DHX40: variants seen among roughly 807,000 people sequenced by gnomAD.
DHX40 encodes the protein probable ATP-dependent RNA helicase DHX40.
DHX40 carries 28 observed loss-of-function variants against 89.6 expected under a neutral mutation model. The observed-to-expected ratio is 0.31, with a 90% CI of 0.23 to 0.43. The LOEUF is 0.43. DHX40 is among the 20% of genes least tolerant of loss of function. The probability of loss-of-function intolerance (pLI) is 1.00; values close to 1 mark genes in which losing one functional copy is unlikely to be tolerated. For missense variants in DHX40, 457 were observed against 844.0 expected, an observed-to-expected ratio of 0.54 and a Z score of 5.68; for synonymous variants, 226 against 283.6, an observed-to-expected ratio of 0.80 and a Z score of 2.04.
chr17:59,605,302 G>A (rs2030774773), intron 16 of DHX40, 118 bp downstream of exon 16: 1 of 1,247,932 alleles, frequency 8.0e-7, no homozygotes, highest in Non-Finnish European at 1.1e-6. Context: ...ATATTACATA[G>A]ATCTATAAGG....
intron 8 of DHX40, among the ~76,000 whole-genome samples, chr17:59,578,977 AGT>A (rs201617050): frequency 4.2e-4 from 55 of 132,412 alleles, no homozygotes; most frequent in African/African-American, 1.4e-3. Context: ...AATATTGCAT[AGT>A]GTGTGTGTGT....
intron 12 of DHX40, among the ~76,000 whole-genome samples, chr17:59,595,918 C>CT (rs1567890683): frequency 6.6e-6 from 1 of 151,192 alleles, no homozygotes; most frequent in African/African-American, 2.4e-5. Context: ...GACTCCAGCT[C>CT]TTTCTCTTCC....
At chr17:59,568,048 C>G (rs528633301) in intron 2 of DHX40, among the ~76,000 whole-genome samples, 1 of 152,054 alleles carries the variant, frequency 6.6e-6, no homozygotes, top group African/African-American at 2.4e-5. Flanking sequence ...GCCTGGCCAA[C>G]ATGGTGAAAC....
intron 7 of DHX40, among the ~76,000 whole-genome samples, chr17:59,576,865 CTG>C (rs2048889353): frequency 6.6e-6 from 1 of 150,480 alleles, no homozygotes; most frequent in Non-Finnish European, 1.5e-5. Context: ...TCTCTTGCCT[CTG>C]TTTTTTTTTT....
intron 2 of DHX40, among the ~76,000 whole-genome samples, chr17:59,570,210 A>AT (rs2048783045): frequency 8.1e-6 from 1 of 123,210 alleles, no homozygotes; most frequent in South Asian, 2.2e-4. Flanking sequence ...TATAATATAT[A>AT]TTATATATTA....
chr17:59,595,188 A>G (rs1429371715), intron 12 of DHX40, among the ~76,000 whole-genome samples: 3 of 151,870 alleles, frequency 2.0e-5, no homozygotes, highest in Admixed American at 6.6e-5. Context: ...GGTTCAAGCA[A>G]TTCTCCTGCC....
chr17:59,575,002 T>G (rs2048861144), intron 6 of DHX40, among the ~76,000 whole-genome samples: 2 of 152,154 alleles, frequency 1.3e-5, no homozygotes, highest in African/African-American at 4.8e-5. Context: ...TGGAGATTAC[T>G]TAAGTATTTT....
chr17:59,597,955 C>T (rs1173009384), intron 12 of DHX40, among the ~76,000 whole-genome samples: 3 of 148,806 alleles, frequency 2.0e-5, no homozygotes, highest in African/African-American at 7.4e-5. Flanking sequence ...AAAAAAAAAC[C>T]TCCTGGGCTC....
At chr17:59,601,494 T>A (rs532074171) in intron 14 of DHX40, among the ~76,000 whole-genome samples, 31 of 152,070 alleles carry the variant, frequency 2.0e-4, no homozygotes, top group Non-Finnish European at 3.4e-4. Flanking sequence ...TCATCTCAGG[T>A]GTTGTATTTT....
intron 15 of DHX40, 143 bp downstream of exon 15, chr17:59,602,759 ACAGTGACGAGGGAGAGCTG>A: frequency 2.6e-6 from 2 of 755,412 alleles, no homozygotes; most frequent in Non-Finnish European, 2.0e-6. Context: ...AGGGAGAGCT[ACAGTGACGAGGGAGAGCTG>A]CAGTGGCTCA....
At chr17:59,589,215 ATTTTTTT>A (rs1209554990) in intron 12 of DHX40, among the ~76,000 whole-genome samples, 2 of 89,376 alleles carry the variant, frequency 2.2e-5, no homozygotes, top group Non-Finnish European at 4.2e-5. Flanking sequence ...ACTTGCTGGG[ATTTTTTT>A]TTTTTTTTTT....
intron 12 of DHX40, among the ~76,000 whole-genome samples, chr17:59,590,598 C>T (rs2049068524): frequency 6.6e-6 from 1 of 151,580 alleles, no homozygotes; most frequent in South Asian, 2.1e-4. Context: ...GCCTCCCCAG[C>T]AGCTGGGACC....
intron 2 of DHX40, 37 bp from the exon 3 acceptor site, chr17:59,570,481 T>C: frequency 6.4e-7 from 1 of 1,560,356 alleles, no homozygotes. Flanking sequence ...AGACAATTGC[T>C]AACATTGTTG....
chr17:59,602,449 G>A, intron 14 of DHX40, 73 bp from the exon 15 acceptor site: 1 of 1,351,548 alleles, frequency 7.4e-7, no homozygotes, highest in Non-Finnish European at 1.0e-6. Flanking sequence ...TTAGAAATGT[G>A]GATTTTTCAA....
At chr17:59,577,146 G>C (rs1445078406) in intron 7 of DHX40, 120 bp from the exon 8 acceptor site, 2 of 787,794 alleles carry the variant, frequency 2.5e-6, no homozygotes, top group Non-Finnish European at 4.3e-6. Context: ...TGGGATTACA[G>C]GCGTGAGTCA....
intron 2 of DHX40, among the ~76,000 whole-genome samples, chr17:59,568,234 A>T (rs1251932000): frequency 1.3e-5 from 2 of 152,186 alleles, no homozygotes; most frequent in African/African-American, 4.8e-5. Context: ...TGTCAAAAAA[A>T]ATAAATAAAA....
intron 3 of DHX40, among the ~76,000 whole-genome samples, chr17:59,572,491 G>A (rs577869914): frequency 2.8e-4 from 43 of 152,146 alleles, no homozygotes; most frequent in South Asian, 1.9e-3. Context: ...CAGTCCTCCC[G>A]TCTCAGCCTC....
In DHX40 at chr17:59,565,726, G is replaced by A; in HGVS notation, c.55G>A (p.Glu19Lys). 1 of 1,604,988 alleles carries A rather than the reference G, an allele frequency of 6.2e-7. No individual in the cohort carries two copies. Residue 19 changes from glutamate (E) to lysine (K), a missense_variant, in exon 1 of 18, where the codon GAG becomes AAG. Physicochemically the swap from Glu to Lys is moderately conservative, Grantham distance 56. Around this residue, in one of 9 missense-constraint regions of DHX40, gnomAD observed 75 missense variants for 76.8 expected, o/e 0.98. Transcript: ENST00000251241. Reference protein sequence around the residue: ...GRAPRRQEEGERSRDLQEERL... With the variant: ...GRAPRRQEEGKRSRDLQEERL... ...GGCGCCAAGGCGGCAGGAGGAGGGT[G>A]AGCGGTCAAGAGACCTCCAGGAAGA...
Position 59,572,504 on chromosome 17 carries a change from A to T in DHX40, c.427-612A>T, listed in dbSNP as rs368815519. Among the ~76,000 whole-genome samples the T allele has an allele frequency of 3.7e-4, 56 of 152,158 alleles. No homozygotes were observed. The East Asian group carries it at 0.01, about 27-fold the overall frequency. Reference sequence around the variant, plus strand: ...AGCAGTCCTCCCGTCTCAGCCTCCCAAGTAGCTGGGACTACAGGCGTGACC... The same window carrying T: ...AGCAGTCCTCCCGTCTCAGCCTCCCTAGTAGCTGGGACTACAGGCGTGACC... On this transcript the variant is annotated intron_variant, in intron 3 of 17. Coordinates refer to ENST00000251241, the MANE Select transcript of DHX40 (RefSeq NM_024612.5).
Sources: gnomAD v4.1 joint callset for allele counts (sites outside exome capture counted in the v4.1 genomes callset) on GRCh38, gnomAD v4.1.1 for gene constraint, gnomAD v4.1.1 regional missense constraint, MANE v1.5 for transcripts, NCBI Gene and HGNC (gene_info 2026-07-23, HGNC 2026-07-21) for gene names.